Variants in CNTN1 observed in about 807,000 individuals in gnomAD.
The protein encoded by CNTN1 is contactin 1.
CNTN1 carries 38 observed loss-of-function variants against 126.4 expected under a neutral mutation model. That is an observed-to-expected ratio of 0.30 (90% confidence interval 0.23 to 0.39). The LOEUF (loss-of-function observed/expected upper bound fraction) is 0.39. Among genes scored for constraint, CNTN1 ranks in the 10% least tolerant of loss-of-function variants. The pLI, the probability that CNTN1 is intolerant of heterozygous loss-of-function variation, is 1.00. For synonymous variants in CNTN1, 413 were observed against 422.6 expected (o/e 0.98, Z 0.28); for missense variants, 1,009 against 1,248.4 (o/e 0.81, Z 2.89).
At chr12:40,967,653 TAATTATGCCAAATTAGGCTAC>T (rs1947356417) in intron 15 of CNTN1, among the ~76,000 whole-genome samples, 1 of 152,146 alleles carries the variant, frequency 6.6e-6, no homozygotes, top group African/African-American at 2.4e-5. Flanking sequence ...ATTTACCAGA[TAATTATGCCAAATTAGGCTAC>T]AATTATGCCA....
chr12:40,956,569 A>C (rs994940120), intron 14 of CNTN1, among the ~76,000 whole-genome samples: 1 of 152,036 alleles, frequency 6.6e-6, no homozygotes, highest in Admixed American at 6.6e-5. Flanking sequence ...TCCAGAAGAC[A>C]AGACAATGTG....
chr12:40,863,885 G>A (rs1437948419), intron 1 of CNTN1, among the ~76,000 whole-genome samples: 1 of 151,280 alleles, frequency 6.6e-6, no homozygotes, highest in Admixed American at 6.6e-5. Flanking sequence ...ACAAAGGGCT[G>A]GAGGATTAGG....
intron 1 of CNTN1, among the ~76,000 whole-genome samples, chr12:40,783,742 GAAT>G (rs1488245836): frequency 2.0e-5 from 3 of 152,174 alleles, no homozygotes; most frequent in Non-Finnish European, 1.5e-5. Flanking sequence ...CCAAATAGAT[GAAT>G]AAAGAAGGGA....
At chr12:40,965,304 G>A (rs1009858583) in intron 15 of CNTN1, among the ~76,000 whole-genome samples, 2 of 152,006 alleles carry the variant, frequency 1.3e-5, no homozygotes, top group African/African-American at 4.8e-5. Context: ...TCTACATGGT[G>A]GCAAACAATA....
intron 3 of CNTN1, among the ~76,000 whole-genome samples, chr12:40,912,646 C>A (rs1046538332): frequency 1.3e-4 from 19 of 151,284 alleles, no homozygotes; most frequent in Admixed American, 1.3e-3. Context: ...AAAAAAAAAA[C>A]TATCTTCATT....
At chr12:41,021,420 CA>C (rs1948907527) in intron 20 of CNTN1, among the ~76,000 whole-genome samples, 1 of 152,096 alleles carries the variant, frequency 6.6e-6, no homozygotes, top group Non-Finnish European at 1.5e-5. Context: ...ATATTAGCCC[CA>C]TGAGGGCAGG....
chr12:40,963,349 T>A (rs1260764694), intron 15 of CNTN1, among the ~76,000 whole-genome samples: 1 of 152,036 alleles, frequency 6.6e-6, no homozygotes, highest in Non-Finnish European at 1.5e-5. Flanking sequence ...TGAAAGTTTA[T>A]TTTTTTCCTA....
intron 14 of CNTN1, among the ~76,000 whole-genome samples, chr12:40,949,351 C>A (rs1329765959): frequency 6.6e-6 from 1 of 150,806 alleles, no homozygotes; most frequent in African/African-American, 2.4e-5. Context: ...TATACATGTG[C>A]CATGCTGGTG....
At chr12:40,747,054 C>T (rs1938214423) in intron 1 of CNTN1, among the ~76,000 whole-genome samples, 1 of 152,192 alleles carries the variant, frequency 6.6e-6, no homozygotes, top group East Asian at 1.9e-4. Flanking sequence ...ACCTGACTAT[C>T]TACTGTAACA....
chr12:40,814,007 T>C (rs1941177058), intron 1 of CNTN1, among the ~76,000 whole-genome samples: 1 of 152,156 alleles, frequency 6.6e-6, no homozygotes, highest in Non-Finnish European at 1.5e-5. Context: ...TTGAGAAGTG[T>C]CTGTTCATAT....
intron 15 of CNTN1, among the ~76,000 whole-genome samples, chr12:40,966,070 C>T (rs1055882252): frequency 3.3e-5 from 5 of 150,010 alleles, no homozygotes; most frequent in Non-Finnish European, 5.9e-5. Context: ...AGGAAAGAGA[C>T]GATCATATAA....
At position 40,817,475 on chromosome 12, in the gene CNTN1, C is replaced by CTTTTTTTTTTTTTTTT. The variant is rs758574869; in HGVS notation, c.-76-90871_-76-90856dup. Among the ~76,000 whole-genome samples, 3 of 40,710 alleles carry CTTTTTTTTTTTTTTTT rather than the reference C, an allele frequency of 7.4e-5. 1 individual carries two copies. Among genetic ancestry groups the CTTTTTTTTTTTTTTTT allele is most frequent in the Non-Finnish European group, 4.4e-5 (1 of 22,704 alleles). 26.7% of individuals were successfully genotyped at this position (40,710 alleles called of 152,430 possible). On this transcript the variant is annotated intron_variant, in intron 1 of 23. Transcript: ENST00000551295. ...TCAGAGACTAGGATTGCAACCCCTG[C>CTTTTTTTTTTTTTTTT]TTTTTTTTTTTTTTTTTTTTTTTTT...
chr12:40,818,058 G>T (rs1478519023), intron 1 of CNTN1, among the ~76,000 whole-genome samples: 1 of 152,116 alleles, frequency 6.6e-6, no homozygotes, highest in Non-Finnish European at 1.5e-5. Flanking sequence ...GCTTCCCTTT[G>T]TAGGTGACCT....
chr12:40,828,008 C>T (rs916727506), intron 1 of CNTN1: 3 of 152,116 alleles, frequency 2.0e-5, no homozygotes, highest in African/African-American at 4.8e-5. Flanking sequence ...AGCATTGACT[C>T]GGGCCAGCCG....
intron 1 of CNTN1, among the ~76,000 whole-genome samples, chr12:40,711,720 C>A (rs1941918001): frequency 6.6e-6 from 1 of 151,810 alleles, no homozygotes. Flanking sequence ...ACCTTTTCTT[C>A]TTTTTTTAAG....
chr12:40,761,011 A>G (rs1938844608), intron 1 of CNTN1, among the ~76,000 whole-genome samples: 1 of 152,190 alleles, frequency 6.6e-6, no homozygotes, highest in Non-Finnish European at 1.5e-5. Context: ...TGGATTTGTC[A>G]AACTAAATAG....
chr12:40,697,583 TG>T (rs1203876886), intron 1 of CNTN1, among the ~76,000 whole-genome samples: 2 of 152,234 alleles, frequency 1.3e-5, no homozygotes, highest in African/African-American at 4.8e-5. Context: ...AGTGTCTCTT[TG>T]TAGCTTTCAG....
intron 1 of CNTN1, among the ~76,000 whole-genome samples, chr12:40,717,170 C>T (rs1371245246): frequency 6.6e-6 from 1 of 152,052 alleles, no homozygotes; most frequent in Non-Finnish European, 1.5e-5. Context: ...AGATCAAAAC[C>T]TGAACCCAGT....
chr12:40,814,978 T>C (rs1941489840), intron 1 of CNTN1, among the ~76,000 whole-genome samples: 1 of 152,108 alleles, frequency 6.6e-6, no homozygotes, highest in Admixed American at 6.6e-5. Context: ...AGTTCACTCA[T>C]GATTTGGCTC....
Sources: allele counts gnomAD v4.1 joint callset (sites outside exome capture counted in the v4.1 genomes callset), GRCh38; gene constraint gnomAD v4.1.1; transcripts MANE v1.5; gene names NCBI Gene and HGNC (gene_info 2026-07-23, HGNC 2026-07-21).